NUDT3: variants seen among roughly 807,000 people sequenced by gnomAD.
The protein encoded by NUDT3 is diphosphoinositol polyphosphate phosphohydrolase 1.
A neutral mutation model predicts 23.6 loss-of-function variants in NUDT3; 9 were observed. The observed-to-expected ratio is 0.38, with a 90% CI of 0.23 to 0.66. NUDT3 has a LOEUF of 0.66. Ranked by LOEUF, NUDT3 falls within the 30% of genes least tolerant of loss-of-function variation. The probability of loss-of-function intolerance (pLI) is 0.52; values close to 1 mark genes in which losing one functional copy is unlikely to be tolerated. For synonymous variants in NUDT3, 86 were observed against 82.6 expected, an observed-to-expected ratio of 1.04 and a Z score of -0.22; for missense variants, 172 against 218.5, an observed-to-expected ratio of 0.79 and a Z score of 1.34.
chr6:34,308,301 T>G (rs1356486502), intron 2 of NUDT3, among the ~76,000 whole-genome samples: 1 of 150,870 alleles, frequency 6.6e-6, no homozygotes, highest in Non-Finnish European at 1.5e-5. Flanking sequence ...CTACAAGAAA[T>G]AAATAATTAG....
chr6:34,308,110 A>C (rs1763709962), intron 2 of NUDT3, among the ~76,000 whole-genome samples: 2 of 110,462 alleles, frequency 1.8e-5, no homozygotes, highest in African/African-American at 7.0e-5. Context: ...ACACAGAGAA[A>C]CTCTGTCTCA....
intron 1 of NUDT3, among the ~76,000 whole-genome samples, chr6:34,384,768 A>G (rs1308891303): frequency 1.3e-5 from 2 of 152,218 alleles, no homozygotes; most frequent in Non-Finnish European, 2.9e-5. Context: ...GTGGTGTCTC[A>G]TGCATGTAAT....
chr6:34,343,489 T>C (rs1459566243), intron 1 of NUDT3, among the ~76,000 whole-genome samples: 2 of 151,232 alleles, frequency 1.3e-5, no homozygotes, highest in Non-Finnish European at 2.9e-5. Context: ...TGCAGCGAGC[T>C]ATGATCAAGC....
chr6:34,345,459 C>T (rs1457131716), intron 1 of NUDT3, among the ~76,000 whole-genome samples: 1 of 150,932 alleles, frequency 6.6e-6, no homozygotes, highest in Non-Finnish European at 1.5e-5. Flanking sequence ...GTCAGGAGAT[C>T]GAGACCATCC....
intron 2 of NUDT3, among the ~76,000 whole-genome samples, chr6:34,327,125 A>C (rs1268959302): frequency 6.6e-6 from 1 of 152,076 alleles, no homozygotes; most frequent in Non-Finnish European, 1.5e-5. Flanking sequence ...CAAATGATTG[A>C]TAAGGTCAAG....
chr6:34,307,733 A>G (rs1350537103), intron 2 of NUDT3, among the ~76,000 whole-genome samples: 2 of 152,198 alleles, frequency 1.3e-5, no homozygotes, highest in African/African-American at 4.8e-5. Flanking sequence ...GAAGAACAGG[A>G]ACAGAGAACA....
intron 1 of NUDT3, among the ~76,000 whole-genome samples, chr6:34,351,593 T>C (rs904558286): frequency 6.7e-6 from 1 of 149,028 alleles, no homozygotes; most frequent in African/African-American, 2.5e-5. Context: ...AATACAAAAA[T>C]TAGCTGGGCG....
intron 1 of NUDT3, among the ~76,000 whole-genome samples, chr6:34,351,741 CAAAAAAA>C (rs1017090378): frequency 3.7e-5 from 2 of 54,340 alleles, no homozygotes. Context: ...AACTCTGTCT[CAAAAAAA>C]AAAAAAAAAA....
At chr6:34,365,458 G>A (rs187059827) in intron 1 of NUDT3, among the ~76,000 whole-genome samples, 100 of 152,090 alleles carry the variant, frequency 6.6e-4, no homozygotes, top group African/African-American at 2.2e-3. Flanking sequence ...AATAAATAAA[G>A]TCCTGGGATA....
intron 1 of NUDT3, among the ~76,000 whole-genome samples, chr6:34,385,311 G>A (rs1179494588): frequency 2.0e-5 from 3 of 152,116 alleles, no homozygotes; most frequent in African/African-American, 7.2e-5. Context: ...AATATGGCCA[G>A]GCACAGTGGC....
intron 2 of NUDT3, among the ~76,000 whole-genome samples, chr6:34,310,200 G>A (rs926464290): frequency 5.9e-5 from 9 of 151,596 alleles, no homozygotes; most frequent in East Asian, 5.8e-4. Context: ...ACCACTGCAC[G>A]CCAGCCTGGG....
intron 1 of NUDT3, among the ~76,000 whole-genome samples, chr6:34,342,679 G>A (rs544334286): frequency 6.6e-6 from 1 of 152,318 alleles, no homozygotes; most frequent in Non-Finnish European, 1.5e-5. Flanking sequence ...CTGTAGGAAA[G>A]ATGCTAAACA....
At chr6:34,315,173 G>C (rs772616489) in intron 2 of NUDT3, among the ~76,000 whole-genome samples, 6 of 152,166 alleles carry the variant, frequency 3.9e-5, no homozygotes, top group Admixed American at 2.0e-4. Context: ...AAAAGGGAGT[G>C]GGGGGAACAA....
intron 1 of NUDT3, among the ~76,000 whole-genome samples, chr6:34,343,595 A>G (rs1395024736): frequency 6.6e-6 from 1 of 151,962 alleles, no homozygotes; most frequent in African/African-American, 2.4e-5. Flanking sequence ...CAAAATCAAA[A>G]TGGACCAACA....
chr6:34,322,547 A>G (rs1246291241), intron 2 of NUDT3, among the ~76,000 whole-genome samples: 1 of 152,200 alleles, frequency 6.6e-6, no homozygotes, highest in African/African-American at 2.4e-5. Context: ...CTTATAAAAC[A>G]GTCAGTATCT....
chr6:34,325,402 G>C (rs752394469), intron 2 of NUDT3, among the ~76,000 whole-genome samples: 3 of 152,052 alleles, frequency 2.0e-5, no homozygotes, highest in Non-Finnish European at 4.4e-5. Flanking sequence ...GTAGAGATAA[G>C]GTCTCCCTTT....
intron 4 of NUDT3, among the ~76,000 whole-genome samples, chr6:34,289,200 C>T (rs1378368578): frequency 3.6e-4 from 55 of 152,196 alleles, no homozygotes; most frequent in Admixed American, 3.6e-3. Flanking sequence ...TCCTGCCCTC[C>T]TGCGTCTCTG....
Position 34,288,665 on chromosome 6 carries a change from G to T in NUDT3, c.*88C>A. ...ATGCCTTATTTGAAAGAGGAGGCCT[G>T]TGAGAAGTGGAAAGAGCCAGGGTGA... On this transcript the variant is annotated 3_prime_UTR_variant, in exon 5 of 5. Coordinates refer to ENST00000607016, the MANE Select transcript of NUDT3 (RefSeq NM_006703.4). 2 of 1,498,110 alleles carry T rather than the reference G, an allele frequency of 1.3e-6. No homozygotes were observed. The highest frequency in any genetic ancestry group is 1.8e-6 in the Non-Finnish European group (2 of 1,120,274). The allele number at this position is 1,498,110 out of a possible 1,614,324, so 92.8% of individuals were successfully genotyped here.
chr6:34,391,575 G>C (rs1416595499), intron 1 of NUDT3, among the ~76,000 whole-genome samples: 1 of 152,154 alleles, frequency 6.6e-6, no homozygotes, highest in Non-Finnish European at 1.5e-5. Context: ...GGGCAAAAAT[G>C]TTAAATACCG....
Sources: gnomAD v4.1 joint callset for allele counts (sites outside exome capture counted in the v4.1 genomes callset) on GRCh38, gnomAD v4.1.1 for gene constraint, MANE v1.5 for transcripts, NCBI Gene and HGNC (gene_info 2026-07-23, HGNC 2026-07-21) for gene names.